SHANK2: variants seen among roughly 807,000 people sequenced by gnomAD.
SHANK2 encodes SH3 and multiple ankyrin repeat domains protein 2.
A neutral mutation model predicts 133.7 loss-of-function variants in SHANK2; 43 were observed. That is an observed-to-expected ratio of 0.32 (90% CI 0.25 to 0.41). SHANK2 has a LOEUF of 0.41. Ranked by LOEUF, SHANK2 falls within the 10% of genes least tolerant of loss-of-function variation. The pLI is 1.00. For synonymous variants in SHANK2, 1,017 were observed against 952.8 expected (o/e 1.07, Z -1.24); for missense variants, 1,994 against 2,235.8 (o/e 0.89, Z 2.18).
intron 8 of SHANK2, among the ~76,000 whole-genome samples, chr11:71,086,049 G>GTTATATAATATATTATATAATATA: frequency 1.3e-5 from 1 of 77,068 alleles, no homozygotes; most frequent in Admixed American, 2.5e-4. Flanking sequence ...TATATAATAT[G>GTTATATAATATATTATATAATATA]TTATATAATA....
At chr11:70,575,906 C>A (rs746387613) in intron 17 of SHANK2, among the ~76,000 whole-genome samples, 2 of 151,434 alleles carry the variant, frequency 1.3e-5, no homozygotes, top group Non-Finnish European at 2.9e-5. Flanking sequence ...TAATTCCTTA[C>A]GGCAGAATCC....
intron 23 of SHANK2, 139 bp from the exon 24 acceptor site, chr11:70,489,487 A>G (rs1039591923): frequency 2.2e-5 from 18 of 814,008 alleles, no homozygotes; most frequent in Non-Finnish European, 3.5e-5. Context: ...GTGACTGCCT[A>G]CAGTTATCCA....
intron 11 of SHANK2, among the ~76,000 whole-genome samples, chr11:70,876,696 T>C (rs1590787496): frequency 6.6e-6 from 1 of 152,102 alleles, no homozygotes; most frequent in Non-Finnish European, 1.5e-5. Context: ...GTTTCATCCA[T>C]GTGGGCTGCA....
At chr11:70,914,271 A>T (rs1555079532) in intron 10 of SHANK2, among the ~76,000 whole-genome samples, 1 of 152,070 alleles carries the variant, frequency 6.6e-6, no homozygotes, top group Non-Finnish European at 1.5e-5. Flanking sequence ...TGAGACACAG[A>T]GTCCCTCCCC....
chr11:71,083,707 G>A (rs909496635), intron 8 of SHANK2, among the ~76,000 whole-genome samples: 91 of 152,294 alleles, frequency 6.0e-4, no homozygotes, highest in Non-Finnish European at 7.3e-4. Context: ...CTCACCAAGC[G>A]GCATCCTCTC....
At chr11:70,951,278 G>A (rs58780013) in intron 10 of SHANK2, among the ~76,000 whole-genome samples, 1,580 of 21,838 alleles carry the variant, frequency 0.072, 44 homozygotes, top group African/African-American at 0.088. Flanking sequence ...TCATAAATTC[G>A]TTTCCCCTGG....
intron 10 of SHANK2, among the ~76,000 whole-genome samples, chr11:70,932,698 G>A (rs918675240): frequency 3.9e-5 from 6 of 152,166 alleles, no homozygotes; most frequent in Non-Finnish European, 7.3e-5. Flanking sequence ...ACCACCTGGC[G>A]GGGCAGGGGC....
chr11:70,798,488 C>T lies in SHANK2; in HGVS notation c.1732G>A (p.Glu578Lys), dbSNP rs1947968760. 2 of 718,450 alleles carry T rather than the reference C, an allele frequency of 2.8e-6. No homozygotes were observed. The highest frequency in any genetic ancestry group is 2.6e-6 in the Non-Finnish European group (1 of 385,120). The allele number at this position is 718,450 out of a possible 1,614,324, so 44.5% of individuals were successfully genotyped here. A position where few individuals can be genotyped will look rare whatever the true frequency, so the allele number is the denominator to read the frequency against. ...TTACACTGGACCTCCTCCACGCACT[C>T]CGCCGGAAACCATCCGATGTGGCCG... is the stretch of plus-strand genomic sequence containing the variant. ...ARGHIGWFPA[E>K]CVEEVQCKPR... The change falls in exon 14 of 26, where the codon GAG becomes AAG. Residue 578 changes from glutamate (E) to lysine (K), a missense_variant. This residue lies in a region of SHANK2 where 653 missense variants were observed against 563.4 expected (regional missense o/e 1.16). Coordinates refer to ENST00000601538, the MANE Select transcript of SHANK2 (RefSeq NM_012309.5).
intron 17 of SHANK2, among the ~76,000 whole-genome samples, chr11:70,628,759 T>A (rs932685136): frequency 4.6e-5 from 7 of 152,200 alleles, no homozygotes; most frequent in Non-Finnish European, 8.8e-5. Flanking sequence ...CTGCCGAAGT[T>A]TCGGCCCACC....
intron 15 of SHANK2, among the ~76,000 whole-genome samples, chr11:70,665,242 G>A (rs989318532): frequency 2.0e-5 from 3 of 152,160 alleles, no homozygotes; most frequent in East Asian, 1.9e-4. Context: ...CAGGCAGTAC[G>A]TGATCCTCCT....
chr11:70,580,610 G>C (rs2060171812), intron 17 of SHANK2, among the ~76,000 whole-genome samples: 1 of 152,190 alleles, frequency 6.6e-6, no homozygotes, highest in Non-Finnish European at 1.5e-5. Flanking sequence ...AAGGAGGAGG[G>C]AGTGGTGTTT....
intron 3 of SHANK2, among the ~76,000 whole-genome samples, chr11:71,123,497 G>A (rs1952116445): frequency 6.6e-6 from 1 of 152,134 alleles, no homozygotes; most frequent in Non-Finnish European, 1.5e-5. Context: ...CCAGGTTGAG[G>A]GCCCATCATA....
At chr11:71,129,037 C>T (rs1259264940) in intron 3 of SHANK2, among the ~76,000 whole-genome samples, 1 of 152,220 alleles carries the variant, frequency 6.6e-6, no homozygotes, top group East Asian at 1.9e-4. Context: ...TCCGCCTCGG[C>T]CTCCCAAAGT....
chr11:70,576,407 G>T (rs1459663643), intron 17 of SHANK2, among the ~76,000 whole-genome samples: 2 of 152,078 alleles, frequency 1.3e-5, no homozygotes, highest in African/African-American at 4.8e-5. Flanking sequence ...GGCCGAGGCG[G>T]GCAGATCACG....
chr11:70,837,575 T>C (rs1948838726), intron 11 of SHANK2, among the ~76,000 whole-genome samples: 2 of 152,182 alleles, frequency 1.3e-5, no homozygotes, highest in South Asian at 4.1e-4. Context: ...TAGTTTTAAG[T>C]TTGCTTATAT....
At chr11:70,915,042 T>G (rs2135739210) in intron 10 of SHANK2, among the ~76,000 whole-genome samples, 1 of 152,306 alleles carries the variant, frequency 6.6e-6, no homozygotes. Flanking sequence ...GCATCTCAGC[T>G]TCCTTTCCCT....
chr11:71,140,254 G>A (rs1952529293), intron 3 of SHANK2, among the ~76,000 whole-genome samples: 1 of 152,194 alleles, frequency 6.6e-6, no homozygotes, highest in African/African-American at 2.4e-5. Context: ...GAAACAACCA[G>A]GCTCCCACGA....
At chr11:71,225,297 A>C (rs182460081) in intron 1 of SHANK2, among the ~76,000 whole-genome samples, 1 of 152,228 alleles carries the variant, frequency 6.6e-6, no homozygotes, top group African/African-American at 2.4e-5. Flanking sequence ...TAGGGAGTCT[A>C]GATTTCCACC....
intron 17 of SHANK2, among the ~76,000 whole-genome samples, chr11:70,511,525 C>T (rs2059204894): frequency 6.6e-6 from 1 of 152,210 alleles, no homozygotes; most frequent in Admixed American, 6.5e-5. Context: ...CCTGGACCTG[C>T]AATTCTGGAA....
Sources: gnomAD v4.1 joint callset for allele counts (sites outside exome capture counted in the v4.1 genomes callset) on GRCh38, gnomAD v4.1.1 for gene constraint, gnomAD v4.1.1 regional missense constraint, MANE v1.5 for transcripts, NCBI Gene and HGNC (gene_info 2026-07-23, HGNC 2026-07-21) for gene names.